Variants in MACROD2 observed in about 807,000 individuals in gnomAD.
MACROD2 encodes the protein ADP-ribose glycohydrolase MACROD2.
In MACROD2, 36 loss-of-function variants were observed where a neutral mutation model predicts 70.4. That is an observed-to-expected ratio of 0.51 (90% confidence interval 0.39 to 0.68). MACROD2 has a LOEUF of 0.68. Among genes scored for constraint, MACROD2 ranks in the 30% least tolerant of loss-of-function variants. The pLI, the probability that MACROD2 is intolerant of heterozygous loss-of-function variation, is 0.00. For missense variants in MACROD2, 496 were observed against 538.4 expected (o/e 0.92, Z 0.78); for synonymous variants, 172 against 178.8 (o/e 0.96, Z 0.30).
intron 3 of MACROD2, among the ~76,000 whole-genome samples, chr20:14,406,507 C>G (rs1304488399): frequency 6.6e-6 from 1 of 152,050 alleles, no homozygotes; most frequent in Non-Finnish European, 1.5e-5. Context: ...ATATTGTAAG[C>G]TATTTATATA....
Position 15,986,796 on chromosome 20 carries a change from C to T in MACROD2, c.1055C>T (p.Thr352Ile). ...ETESQSSYME[T>I]EELSSNQEDA... ...GAATCGCAGAGCTCATATATGGAAA[C>T]AGAAGGTACTGAAACCAAAATATAT... is the stretch of plus-strand genomic sequence containing the variant. Residue 352 changes from threonine (T) to isoleucine (I), a missense_variant, in exon 14 of 18, where the codon ACA (threonine) becomes ATA (isoleucine). Physicochemically the swap from Thr to Ile is moderately conservative, Grantham distance 89. Transcript: ENST00000684519. The T allele has an allele frequency of 1.2e-6, 2 of 1,611,508 alleles. No individual in the cohort carries two copies. Among genetic ancestry groups the T allele is most frequent in the South Asian group, 1.1e-5 (1 of 90,850 alleles).
At chr20:14,572,058 C>T (rs1980230083) in intron 4 of MACROD2, among the ~76,000 whole-genome samples, 1 of 152,020 alleles carries the variant, frequency 6.6e-6, no homozygotes. Flanking sequence ...TCCCAGACCT[C>T]TTGACATTTC....
chr20:14,838,913 C>T (rs2073058608), intron 5 of MACROD2, among the ~76,000 whole-genome samples: 1 of 152,170 alleles, frequency 6.6e-6, no homozygotes, highest in Admixed American at 6.5e-5. Flanking sequence ...GAGCAGGAGA[C>T]ATAGAATCAC....
At chr20:15,768,480 T>C (rs1010601554) in intron 8 of MACROD2, among the ~76,000 whole-genome samples, 4 of 152,194 alleles carry the variant, frequency 2.6e-5, no homozygotes, top group African/African-American at 9.6e-5. Flanking sequence ...TGAATGGAGC[T>C]TGCAGGACTG....
At chr20:14,956,352 G>T (rs1311702885) in intron 5 of MACROD2, among the ~76,000 whole-genome samples, 1 of 152,078 alleles carries the variant, frequency 6.6e-6, no homozygotes, top group Admixed American at 6.6e-5. Context: ...AATATCATTT[G>T]GATATGGGAT....
intron 5 of MACROD2, among the ~76,000 whole-genome samples, chr20:14,714,735 T>A (rs982371842): frequency 6.6e-6 from 1 of 152,184 alleles, no homozygotes; most frequent in Non-Finnish European, 1.5e-5. Flanking sequence ...ATCCTTCACA[T>A]CAACACACTC....
At chr20:15,811,535 A>T (rs2063821663) in intron 8 of MACROD2, among the ~76,000 whole-genome samples, 2 of 152,308 alleles carry the variant, frequency 1.3e-5, no homozygotes, top group South Asian at 4.1e-4. Flanking sequence ...ATTGCTAACA[A>T]CTACCCCAAA....
At position 14,327,497 on chromosome 20, in the gene MACROD2, C is replaced by T. The variant is rs142379846; in HGVS notation, c.272-165982C>T. The T allele has an allele frequency of 2.4e-5, 38 of 1,611,486 alleles. No homozygotes were observed. The highest frequency in any genetic ancestry group is 1.5e-4 in the Admixed American group (9 of 59,806). On this transcript the variant is annotated intron_variant, in intron 3 of 17. Coordinates refer to ENST00000684519, the MANE Select transcript of MACROD2 (RefSeq NM_001351661.2). ...CCGATGAGGAAGATGCTCCAGGCTGCGCTGATCATGGTCAGCAGTGTTGAG... is the reference window on the plus strand; with the variant it reads ...CCGATGAGGAAGATGCTCCAGGCTGTGCTGATCATGGTCAGCAGTGTTGAG...
At chr20:14,664,860 A>T (rs2070719940) in intron 4 of MACROD2, among the ~76,000 whole-genome samples, 1 of 152,132 alleles carries the variant, frequency 6.6e-6, no homozygotes, top group African/African-American at 2.4e-5. Flanking sequence ...CTAGCATCAA[A>T]ATAGTATTGA....
chr20:15,221,324 C>T (rs1250498734), intron 5 of MACROD2, among the ~76,000 whole-genome samples: 3 of 152,166 alleles, frequency 2.0e-5, no homozygotes, highest in African/African-American at 7.2e-5. Flanking sequence ...CTAGAAATGC[C>T]ATGCATTTGA....
chr20:14,407,014 C>T (rs1232905390), intron 3 of MACROD2, among the ~76,000 whole-genome samples: 2 of 151,900 alleles, frequency 1.3e-5, no homozygotes, highest in African/African-American at 4.8e-5. Context: ...TGTATTGCAT[C>T]CTTGCAGATA....
At chr20:15,358,145 A>T (rs889376253) in intron 6 of MACROD2, among the ~76,000 whole-genome samples, 1 of 152,206 alleles carries the variant, frequency 6.6e-6, no homozygotes, top group Non-Finnish European at 1.5e-5. Flanking sequence ...AGCTAATTCA[A>T]AATGAGTGCT....
chr20:14,325,764 C>G lies in MACROD2; in HGVS notation c.272-167715C>G, dbSNP rs1242296067. ...TGATTTCCAGGATAGAGTTGTCCTT[C>G]TTAGTGCCAGCTTCTGCATAGTCAT... is the stretch of plus-strand genomic sequence containing the variant. On this transcript the variant is annotated intron_variant, in intron 3 of 17. Transcript: ENST00000684519. The G allele has an allele frequency of 2.5e-6, 4 of 1,613,792 alleles. No individual in the cohort carries two copies. In the African/African-American group the frequency reaches 5.3e-5, roughly 22 times the overall value.
At chr20:15,077,241 A>G (rs911126275) in intron 5 of MACROD2, among the ~76,000 whole-genome samples, 2 of 152,132 alleles carry the variant, frequency 1.3e-5, no homozygotes, top group Middle Eastern at 3.2e-3. Flanking sequence ...ACTTGGCCAC[A>G]TTATTTTCTT....
chr20:14,665,090 GTCA>G (rs1343710569), intron 4 of MACROD2, among the ~76,000 whole-genome samples: 1 of 152,154 alleles, frequency 6.6e-6, no homozygotes, highest in Non-Finnish European at 1.5e-5. Flanking sequence ...TTTGTTAGAT[GTCA>G]TCATTATTAC....
chr20:15,480,687 G>A (rs972840689), intron 7 of MACROD2, among the ~76,000 whole-genome samples: 5 of 152,052 alleles, frequency 3.3e-5, no homozygotes, highest in African/African-American at 7.3e-5. Context: ...AAAGTGATTC[G>A]TGTATTTCTT....
intron 1 of MACROD2, among the ~76,000 whole-genome samples, chr20:14,001,513 G>T (rs1406896474): frequency 2.6e-5 from 4 of 151,478 alleles, no homozygotes; most frequent in Non-Finnish European, 5.9e-5. Flanking sequence ...ACCTGTCTTA[G>T]CATTTTATTT....
chr20:15,574,634 A>G (rs868349175), intron 8 of MACROD2, among the ~76,000 whole-genome samples: 3 of 152,110 alleles, frequency 2.0e-5, no homozygotes, highest in Non-Finnish European at 2.9e-5. Flanking sequence ...GGCAATCCAA[A>G]TCATACAGGG....
chr20:14,805,095 A>C (rs928894972), intron 5 of MACROD2, among the ~76,000 whole-genome samples: 1 of 151,966 alleles, frequency 6.6e-6, no homozygotes, highest in Non-Finnish European at 1.5e-5. Flanking sequence ...ATGCCTTTTT[A>C]GGGGAGAGAG....
Sources: allele counts gnomAD v4.1 joint callset (sites outside exome capture counted in the v4.1 genomes callset), GRCh38; gene constraint gnomAD v4.1.1; transcripts MANE v1.5; gene names NCBI Gene and HGNC (gene_info 2026-07-23, HGNC 2026-07-21).